ZNRF3: variants seen among roughly 807,000 people sequenced by gnomAD.
The protein encoded by ZNRF3 is E3 ubiquitin-protein ligase ZNRF3.
In ZNRF3, 23 loss-of-function variants were observed where a neutral mutation model predicts 72.5. That is an observed-to-expected ratio of 0.32 (90% CI 0.23 to 0.45). ZNRF3 has a LOEUF of 0.45. Ranked by LOEUF, ZNRF3 falls within the 20% of genes least tolerant of loss-of-function variation. The pLI is 1.00. For missense variants in ZNRF3, 1,169 were observed against 1,272.1 expected, an observed-to-expected ratio of 0.92 and a Z score of 1.23; for synonymous variants, 610 against 545.3, an observed-to-expected ratio of 1.12 and a Z score of -1.65.
At chr22:28,911,280 A>G (rs1358883536) in intron 1 of ZNRF3, among the ~76,000 whole-genome samples, 1 of 152,186 alleles carries the variant, frequency 6.6e-6, no homozygotes, top group African/African-American at 2.4e-5. Context: ...AGAAAAGGGT[A>G]TGTGACTTTT....
intron 1 of ZNRF3, among the ~76,000 whole-genome samples, chr22:28,955,657 G>A (rs891900201): frequency 6.6e-6 from 1 of 151,972 alleles, no homozygotes; most frequent in African/African-American, 2.4e-5. Context: ...TACTAAAGAC[G>A]TTGGAAAACC....
At chr22:28,943,486 C>T (rs1191051169) in intron 1 of ZNRF3, among the ~76,000 whole-genome samples, 1 of 151,424 alleles carries the variant, frequency 6.6e-6, no homozygotes, top group Non-Finnish European at 1.5e-5. Flanking sequence ...TGTGTTTTCT[C>T]TCTCTAAAAT....
chr22:28,937,203 ATATATATATATATTTTTTTTTTTTT>A (rs1569252699), intron 1 of ZNRF3, among the ~76,000 whole-genome samples: 2 of 9,558 alleles, frequency 2.1e-4, no homozygotes, highest in Non-Finnish European at 4.6e-4. Flanking sequence ...ATATATATAT[ATATATATATATATTTTTTTTTTTTT>A]TTTTTTTTTT....
chr22:28,900,905 A>G (rs1196502768), intron 1 of ZNRF3, among the ~76,000 whole-genome samples: 2 of 152,134 alleles, frequency 1.3e-5, no homozygotes, highest in Non-Finnish European at 2.9e-5. Context: ...CAGGAGTTTA[A>G]GACCAGCTTG....
rs977758152 is a variant in ZNRF3, at chr22:29,049,496, G to C, written c.1315G>C (p.Ala439Pro). 2 of 1,604,858 alleles carry C rather than the reference G, an allele frequency of 1.2e-6. No individual in the cohort carries two copies. The highest frequency in any genetic ancestry group is 1.7e-5 in the Admixed American group (1 of 59,932). Residue 439 changes from alanine (A) to proline (P), a missense_variant, in exon 8 of 9, where the codon GCC becomes CCC. By Grantham distance (27) the Ala-to-Pro change is conservative. Around this residue, in one of 2 missense-constraint regions of ZNRF3, gnomAD observed 783 missense variants for 731.4 expected, o/e 1.07. Transcript: ENST00000544604. The surrounding 1 kb of genome is among the most constrained non-coding windows in gnomAD (Gnocchi z 5.2). The stretch of plus-strand genomic sequence containing the variant: ...TCACCGCTGCGGCCTGGAGCACCGG[G>C]CCTACTCCCCAGCCCACCCCTTCCG... The part of the protein sequence containing the change: ...AAHRCGLEHR[A>P]YSPAHPFRRP...
intron 2 of ZNRF3, among the ~76,000 whole-genome samples, chr22:29,021,698 G>A (rs1194008563): frequency 6.6e-6 from 1 of 151,832 alleles, no homozygotes; most frequent in African/African-American, 2.4e-5. Flanking sequence ...ATGTTGGCTA[G>A]GCTGGTCTCG....
intron 2 of ZNRF3, among the ~76,000 whole-genome samples, chr22:29,020,249 CTTTTTTTTTT>C (rs756716817): frequency 6.5e-5 from 6 of 91,768 alleles, no homozygotes; most frequent in African/African-American, 8.7e-5. Flanking sequence ...CACAACCATC[CTTTTTTTTTT>C]TTTTTTTTTT....
chr22:28,904,599 T>TTCTC (rs372747315), intron 1 of ZNRF3, among the ~76,000 whole-genome samples: 4 of 150,842 alleles, frequency 2.7e-5, no homozygotes, highest in East Asian at 1.9e-4. Context: ...TTTCTTTTTC[T>TTCTC]TCTCTCTCTC....
chr22:29,032,445 C>T (rs543519071), intron 2 of ZNRF3, among the ~76,000 whole-genome samples: 13 of 152,176 alleles, frequency 8.5e-5, no homozygotes, highest in African/African-American at 2.9e-4. Context: ...CAAGGTTGGC[C>T]GGAGGAGACA....
At chr22:28,995,755 G>A (rs2036035878) in intron 2 of ZNRF3, among the ~76,000 whole-genome samples, 1 of 151,612 alleles carries the variant, frequency 6.6e-6, no homozygotes, top group African/African-American at 2.4e-5. Flanking sequence ...TTTTCTAGGA[G>A]CACCCACAGG....
chr22:28,892,963 C>T (rs181144600), intron 1 of ZNRF3, among the ~76,000 whole-genome samples: 1 of 152,008 alleles, frequency 6.6e-6, no homozygotes, highest in African/African-American at 2.4e-5. Context: ...GTCAGGAGAT[C>T]GAGACCACCC....
At chr22:28,982,433 C>CAAAAAAAAAAAA (rs61589852) in intron 1 of ZNRF3, among the ~76,000 whole-genome samples, 6 of 76,480 alleles carry the variant, frequency 7.8e-5, no homozygotes, top group Middle Eastern at 6.8e-3. Context: ...CCTGTCTCTA[C>CAAAAAAAAAAAA]AAAAAAAAAA....
At chr22:28,998,253 C>T (rs982889732) in intron 2 of ZNRF3, among the ~76,000 whole-genome samples, 5 of 151,704 alleles carry the variant, frequency 3.3e-5, no homozygotes, top group South Asian at 2.1e-4. Flanking sequence ...GAGCCAAGAT[C>T]GCACCACTGC....
intron 1 of ZNRF3, among the ~76,000 whole-genome samples, chr22:28,955,584 G>A (rs1044546660): frequency 2.0e-5 from 3 of 152,126 alleles, no homozygotes; most frequent in African/African-American, 7.2e-5. Context: ...GCATAGCTGT[G>A]CTTTGGTTGG....
chr22:29,034,140 CT>C (rs1346667162), intron 2 of ZNRF3, among the ~76,000 whole-genome samples: 12 of 152,284 alleles, frequency 7.9e-5, no homozygotes, highest in African/African-American at 2.9e-4. Context: ...CATGCTGCTG[CT>C]TGCTAAGCAA....
At chr22:28,892,722 C>T (rs2033912285) in intron 1 of ZNRF3, among the ~76,000 whole-genome samples, 1 of 152,044 alleles carries the variant, frequency 6.6e-6, no homozygotes, top group Non-Finnish European at 1.5e-5. Context: ...TATTAATTTC[C>T]TCCTCTCCCC....
chr22:29,046,820 C>T lies in ZNRF3; in HGVS notation c.849C>T (p.Asp283=). 1 of 1,611,080 alleles carries T rather than the reference C, an allele frequency of 6.2e-7. No individual in the cohort carries two copies. The highest frequency in any genetic ancestry group is 8.5e-7 in the Non-Finnish European group (1 of 1,178,590). ...GGGAGGGGAGCTGTGGGGCCCTGGACACACTCAGCAGCAGCTCCACGTCCG... is the reference window on the plus strand; with the variant it reads ...GGGAGGGGAGCTGTGGGGCCCTGGATACACTCAGCAGCAGCTCCACGTCCG... ...GRREGSCGAL[D]TLSSSSTSDC... The change falls in exon 6 of 9, where the codon GAC becomes GAT. Residue 283 remains aspartate, a synonymous_variant. Transcript: ENST00000544604.
chr22:29,046,906 C>T, intron 6 of ZNRF3, 23 bp downstream of exon 6: 1 of 1,499,936 alleles, frequency 6.7e-7, no homozygotes, highest in Non-Finnish European at 9.0e-7. Context: ...GCAGGCCCGT[C>T]CTGGGTGGGG....
chr22:29,015,530 C>T (rs947155300), intron 2 of ZNRF3, among the ~76,000 whole-genome samples: 6 of 151,998 alleles, frequency 3.9e-5, no homozygotes, highest in Non-Finnish European at 5.9e-5. Flanking sequence ...ATTACCCAGG[C>T]ATGGTGGTGC....
Sources: allele counts gnomAD v4.1 joint callset (sites outside exome capture counted in the v4.1 genomes callset), GRCh38; gene constraint gnomAD v4.1.1; regional missense constraint gnomAD v4.1.1; non-coding constraint Gnocchi (gnomAD v3.1); transcripts MANE v1.5; gene names NCBI Gene and HGNC (gene_info 2026-07-23, HGNC 2026-07-21).